Variants in PLEKHA7 observed in about 807,000 individuals in gnomAD.
PLEKHA7 encodes pleckstrin homology domain-containing family A member 7.
Under a neutral mutation model 170.0 loss-of-function variants are expected in PLEKHA7, and 104 were observed. The ratio of observed to expected loss-of-function variants is 0.61; its 90% CI spans 0.52 to 0.72. The LOEUF is 0.72. Among genes scored for constraint, PLEKHA7 ranks in the 30% least tolerant of loss-of-function variants. The pLI is 0.00. For missense variants in PLEKHA7, 1,615 were observed against 1,671.7 expected (o/e 0.97, Z 0.59); for synonymous variants, 648 against 660.8 (o/e 0.98, Z 0.30).
At chr11:16,852,212 T>C (rs567662392) in intron 7 of PLEKHA7, 71 bp downstream of exon 7, 1 of 1,391,304 alleles carries the variant, frequency 7.2e-7, no homozygotes, top group Non-Finnish European at 1.0e-6. Context: ...CTGGTAAACC[T>C]GAAGTCACCA....
At chr11:16,856,148 C>T (rs572742307) in intron 4 of PLEKHA7, among the ~76,000 whole-genome samples, 2 of 152,182 alleles carry the variant, frequency 1.3e-5, no homozygotes, top group African/African-American at 4.8e-5. Context: ...GACACCCCAA[C>T]AAAGGAGGAC....
At chr11:16,893,599 A>G (rs1480287209) in intron 3 of PLEKHA7, among the ~76,000 whole-genome samples, 1 of 152,200 alleles carries the variant, frequency 6.6e-6, no homozygotes, top group Non-Finnish European at 1.5e-5. Context: ...CACAGCTGGT[A>G]ACTTTTCCCA....
chr11:16,892,060 A>G lies in PLEKHA7; in HGVS notation c.222-20878T>C, dbSNP rs1856654038. On this transcript the variant is annotated intron_variant, in intron 3 of 26. Coordinates refer to ENST00000531066, the MANE Select transcript of PLEKHA7 (RefSeq NM_001329630.2). ...ACATCACACTGGCCAACTGCCTTCCATTGGTGGAAGTTTTCAAGCCTGGGC... is the reference window on the plus strand; with the variant it reads ...ACATCACACTGGCCAACTGCCTTCCGTTGGTGGAAGTTTTCAAGCCTGGGC... Among the ~76,000 whole-genome samples, 4 of 152,290 alleles carry G rather than the reference A, an allele frequency of 2.6e-5. No homozygotes were observed. The South Asian group carries it at 8.3e-4, about 32-fold the overall frequency.
rs1282141022 is a variant in PLEKHA7, at chr11:16,782,844, G to T, written c.3703C>A (p.Leu1235Met). The T allele has an allele frequency of 6.5e-7, 1 of 1,536,186 alleles. No homozygotes were observed. The highest frequency in any genetic ancestry group is 2.0e-5 in the Admixed American group (1 of 51,012). ...TCCTGCTCCTGCAGCTGCAAGTCCA[G>T]GTCAGCCACACTGTTCTGGTCCTGG... is the stretch of plus-strand genomic sequence containing the variant. ...SGQDQNSVAD[L>M]DLQLQEQERI... Residue 1235 changes from leucine (L) to methionine (M), a missense_variant, in exon 26 of 27, where the codon CTG (leucine) becomes ATG (methionine). Transcript: ENST00000531066.
intron 26 of PLEKHA7, 130 bp downstream of exon 26, chr11:16,782,624 C>T: frequency 6.7e-6 from 8 of 1,201,824 alleles, no homozygotes; most frequent in Non-Finnish European, 9.2e-6. Context: ...CAGGGGAACA[C>T]ACCACTGACC....
At chr11:16,856,924 C>T (rs1225983231) in intron 4 of PLEKHA7, among the ~76,000 whole-genome samples, 1 of 152,194 alleles carries the variant, frequency 6.6e-6, no homozygotes, top group Non-Finnish European at 1.5e-5. Context: ...AAAACTGAGG[C>T]TCTTTGCCTG....
intron 3 of PLEKHA7, among the ~76,000 whole-genome samples, chr11:16,873,136 T>C (rs574565663): frequency 6.6e-6 from 1 of 152,300 alleles, no homozygotes; most frequent in East Asian, 1.9e-4. Context: ...TCATAATCAA[T>C]AGATCATCTC....
chr11:16,789,356 C>G lies in PLEKHA7; in HGVS notation c.3157-60G>C, dbSNP rs1564908363. ...ACAGCTGGGCTGGGCACGCAGAGGA[C>G]AGCCACCCTGCTGGCTGCATTCCCG... On this transcript the variant is annotated intron_variant, in intron 22 of 26. Transcript: ENST00000531066. The surrounding 1 kb of genome is among the most constrained non-coding windows in gnomAD (Gnocchi z 4.6). 2 of 1,513,806 alleles carry G rather than the reference C, an allele frequency of 1.3e-6. No homozygotes were observed. Among genetic ancestry groups the G allele is most frequent in the Non-Finnish European group, 1.8e-6 (2 of 1,097,768 alleles). 93.8% of individuals were successfully genotyped at this position (1,513,806 alleles called of 1,614,324 possible).
At chr11:16,954,240 G>A (rs964113971) in intron 3 of PLEKHA7, among the ~76,000 whole-genome samples, 1 of 152,156 alleles carries the variant, frequency 6.6e-6, no homozygotes, top group Admixed American at 6.5e-5. Flanking sequence ...TAATGGCCAG[G>A]CACAGTGGCT....
intron 3 of PLEKHA7, among the ~76,000 whole-genome samples, chr11:16,984,167 A>T (rs567929259): frequency 1.4e-4 from 21 of 152,318 alleles, no homozygotes; most frequent in African/African-American, 4.3e-4. Flanking sequence ...TACCTACATT[A>T]TCTTTAATCA....
At chr11:16,952,348 G>A (rs934847690) in intron 3 of PLEKHA7, among the ~76,000 whole-genome samples, 1 of 152,140 alleles carries the variant, frequency 6.6e-6, no homozygotes. Flanking sequence ...CAAAACTCAA[G>A]CAGCCATATT....
chr11:16,906,719 G>C (rs1295149336), intron 3 of PLEKHA7, among the ~76,000 whole-genome samples: 2 of 141,366 alleles, frequency 1.4e-5, no homozygotes, highest in East Asian at 4.0e-4. Flanking sequence ...CCAAAGTGCC[G>C]AGATTGCAGC....
At chr11:16,879,678 G>T (rs1855567768) in intron 3 of PLEKHA7, among the ~76,000 whole-genome samples, 1 of 152,228 alleles carries the variant, frequency 6.6e-6, no homozygotes, top group Admixed American at 6.5e-5. Flanking sequence ...CACAGGCAGA[G>T]CTGGGCATGA....
rs1564934235 is a variant in PLEKHA7 at position 16,805,800 on chromosome 11, A to AC, written c.2008-2506_2008-2505insG. 9.2e-5 allele frequency among the ~76,000 whole-genome samples: 14 copies of AC among 151,468 alleles called. No individual in the cohort carries two copies. In the East Asian group the frequency reaches 1.7e-3, roughly 19 times the overall value. ...GCGAGACTCCATGTCAAAAAAAAAA[A>AC]AAAAAAACAAAAACAAAAACAAAAA... On this transcript the variant is annotated intron_variant, in intron 13 of 26. Transcript: ENST00000531066.
chr11:16,942,931 A>C (rs1476031829), intron 3 of PLEKHA7, among the ~76,000 whole-genome samples: 2 of 152,256 alleles, frequency 1.3e-5, no homozygotes, highest in Non-Finnish European at 2.9e-5. Context: ...ACCACCAGTG[A>C]CAATAAACAA....
intron 3 of PLEKHA7, chr11:17,013,166 T>G (rs1453564274): frequency 1.3e-5 from 2 of 152,420 alleles, no homozygotes; most frequent in African/African-American, 2.4e-5. Flanking sequence ...GGAAACACGC[T>G]GCAACACAGA....
At chr11:16,861,403 C>A (rs1313353981) in intron 4 of PLEKHA7, among the ~76,000 whole-genome samples, 1 of 151,708 alleles carries the variant, frequency 6.6e-6, no homozygotes, top group Non-Finnish European at 1.5e-5. Flanking sequence ...GTGGCTTACA[C>A]CAGTAATCTC....
At chr11:16,963,334 T>C (rs1210036679) in intron 3 of PLEKHA7, among the ~76,000 whole-genome samples, 19 of 152,224 alleles carry the variant, frequency 1.2e-4, no homozygotes, top group Admixed American at 2.0e-4. Context: ...TAGGACTTTT[T>C]TTTTTCTTTT....
At position 16,939,888 on chromosome 11, in the gene PLEKHA7, C is replaced by G. The variant is rs11824697; in HGVS notation, c.222-68706G>C. ...GGGGTGAAGGGACTGGGGACTCACC[C>G]TGAGCTCTCTGGGCAGAGGTAACAG... On this transcript the variant is annotated intron_variant, in intron 3 of 26. Coordinates refer to ENST00000531066, the MANE Select transcript of PLEKHA7 (RefSeq NM_001329630.2). Among the ~76,000 whole-genome samples the G allele has an allele frequency of 7.7e-3, 1,177 of 152,290 alleles. 8 individuals carry two copies. Among genetic ancestry groups the G allele is most frequent in the African/African-American group, 0.026 (1,097 of 41,566 alleles).
Sources: allele counts gnomAD v4.1 joint callset (sites outside exome capture counted in the v4.1 genomes callset), GRCh38; gene constraint gnomAD v4.1.1; non-coding constraint Gnocchi (gnomAD v3.1); transcripts MANE v1.5; gene names NCBI Gene and HGNC (gene_info 2026-07-23, HGNC 2026-07-21).